WAC: variants seen among roughly 807,000 people sequenced by gnomAD.
The protein encoded by WAC is WW domain containing adaptor with coiled-coil.
In WAC, 11 loss-of-function variants were observed where a neutral mutation model predicts 79.6. The ratio of observed to expected loss-of-function variants is 0.14; its 90% confidence interval spans 0.09 to 0.23. The LOEUF (loss-of-function observed/expected upper bound fraction) is 0.23, where lower values mean the gene tolerates loss of function less well. Among genes scored for constraint, WAC ranks in the 10% least tolerant of loss-of-function variants. The pLI, the probability that WAC is intolerant of heterozygous loss-of-function variation, is 1.00. For synonymous variants in WAC, 304 were observed against 276.9 expected, an observed-to-expected ratio of 1.10 and a Z score of -0.97; for missense variants, 728 against 773.5, an observed-to-expected ratio of 0.94 and a Z score of 0.70.
Position 28,617,861 on chromosome 10 carries a change from CATTT to C in WAC, c.1874+78_1874+81del, listed in dbSNP as rs1841540356. 19 of 1,435,812 alleles carry C rather than the reference CATTT, an allele frequency of 1.3e-5. No individual in the cohort carries two copies. In the South Asian group the frequency reaches 2.3e-4, roughly 18 times the overall value. The allele number at this position is 1,435,812 out of a possible 1,614,324, so 88.9% of individuals were successfully genotyped here. A position where few individuals can be genotyped will look rare whatever the true frequency, so the allele number is the denominator to read the frequency against. ...AAATCGAACTAAAGAATGTAAATCA[CATTT>C]TATTTATGAAATGTAAAGTTCTCTT... On this transcript the variant is annotated intron_variant, in intron 13 of 13. Coordinates refer to ENST00000354911, the MANE Select transcript of WAC (RefSeq NM_016628.5).
At chr10:28,539,806 G>A (rs1406868873) in intron 3 of WAC, among the ~76,000 whole-genome samples, 1 of 152,106 alleles carries the variant, frequency 6.6e-6, no homozygotes, top group African/African-American at 2.4e-5. Flanking sequence ...TGATCCACCT[G>A]CCTCGGCCTC....
At chr10:28,601,439 G>A (rs916344183) in intron 7 of WAC, among the ~76,000 whole-genome samples, 2 of 152,066 alleles carry the variant, frequency 1.3e-5, no homozygotes, top group Middle Eastern at 3.2e-3. Context: ...TGAAAAAATT[G>A]AAACCCTTGT....
chr10:28,550,158 C>T (rs1837579378), intron 3 of WAC, among the ~76,000 whole-genome samples: 1 of 127,056 alleles, frequency 7.9e-6, no homozygotes, highest in Non-Finnish European at 1.6e-5. Flanking sequence ...TAATGCAAGA[C>T]TCAGTCTCAA....
intron 3 of WAC, among the ~76,000 whole-genome samples, chr10:28,538,847 A>G (rs1293949887): frequency 5.4e-5 from 8 of 147,454 alleles, no homozygotes; most frequent in Admixed American, 2.1e-4. Flanking sequence ...CTGGGTTGAT[A>G]GAGTGAGACC....
At chr10:28,554,926 T>G (rs1837898469) in intron 3 of WAC, among the ~76,000 whole-genome samples, 1 of 152,206 alleles carries the variant, frequency 6.6e-6, no homozygotes, top group Non-Finnish European at 1.5e-5. Flanking sequence ...ACTTAAAAGT[T>G]ACTTCCTCTG....
At chr10:28,555,121 T>C (rs918606246) in intron 3 of WAC, among the ~76,000 whole-genome samples, 1 of 152,168 alleles carries the variant, frequency 6.6e-6, no homozygotes, top group East Asian at 1.9e-4. Context: ...CCAGTAATCT[T>C]GAGCCTCCTC....
intron 7 of WAC, among the ~76,000 whole-genome samples, chr10:28,604,991 T>G (rs1290271244): frequency 6.6e-6 from 1 of 152,224 alleles, no homozygotes; most frequent in Non-Finnish European, 1.5e-5. Context: ...ATTATACATG[T>G]AGATTGAGGC....
intron 3 of WAC, among the ~76,000 whole-genome samples, chr10:28,557,109 A>G (rs539365684): frequency 6.6e-6 from 1 of 151,292 alleles, no homozygotes; most frequent in African/African-American, 2.4e-5. Flanking sequence ...TTTGATAGGT[A>G]TAAGTCACGG....
At chr10:28,563,283 C>T (rs922078228) in intron 3 of WAC, among the ~76,000 whole-genome samples, 3 of 152,036 alleles carry the variant, frequency 2.0e-5, no homozygotes, top group Admixed American at 6.6e-5. Flanking sequence ...CCCAGTGTTC[C>T]TATCTTTTCT....
chr10:28,586,091 T>A (rs1839808816), intron 4 of WAC, among the ~76,000 whole-genome samples: 1 of 152,190 alleles, frequency 6.6e-6, no homozygotes, highest in South Asian at 2.1e-4. Context: ...ATGTACCTAG[T>A]GGGAATGATA....
chr10:28,610,854 G>C (rs868480690), intron 9 of WAC, 33 bp downstream of exon 9: 2 of 1,529,482 alleles, frequency 1.3e-6, no homozygotes, highest in Non-Finnish European at 1.7e-6. Context: ...TCTCTAGAAT[G>C]GCATCTTGAT....
In WAC at chr10:28,616,253, A is replaced by G. The variant is rs148573008; in HGVS notation, c.1637A>G (p.Asn546Ser). 66 of 1,613,906 alleles carry G rather than the reference A, an allele frequency of 4.1e-5. No individual in the cohort carries two copies. The African/African-American group carries it at 8.7e-4, about 21-fold the overall frequency. ...TCAAATGCAACAGTTGTACCACAGA[A>G]TTCTTCTGCCCGATCCACGTGTTCA... ...NASNATVVPQ[N>S]SSARSTCSLT... The change falls in exon 12 of 14, where the codon AAT (asparagine) becomes AGT (serine). Residue 546 changes from asparagine (N) to serine (S), a missense_variant. Transcript: ENST00000354911.
intron 1 of WAC, 64 bp downstream of exon 1, chr10:28,533,684 C>G (rs1836417242): frequency 1.5e-5 from 23 of 1,500,138 alleles, no homozygotes; most frequent in Non-Finnish European, 2.1e-5. Context: ...GGCTGTTCCT[C>G]CTTATCTGGA....
intron 3 of WAC, among the ~76,000 whole-genome samples, chr10:28,543,003 A>G (rs1837146314): frequency 6.6e-6 from 1 of 152,204 alleles, no homozygotes; most frequent in African/African-American, 2.4e-5. Flanking sequence ...GAAACTTTAT[A>G]GCATTTAACT....
intron 3 of WAC, among the ~76,000 whole-genome samples, chr10:28,560,879 G>A (rs1564386505): frequency 6.6e-6 from 1 of 152,202 alleles, no homozygotes; most frequent in African/African-American, 2.4e-5. Context: ...AGGAAGTTAA[G>A]GCTTTGGGGG....
intron 7 of WAC, among the ~76,000 whole-genome samples, chr10:28,602,631 C>T (rs924653714): frequency 3.3e-5 from 5 of 152,100 alleles, no homozygotes; most frequent in Non-Finnish European, 7.4e-5. Context: ...GCACTTATTA[C>T]CAGTATCATT....
intron 2 of WAC, chr10:28,534,360 C>CTTAT (rs1000398583): frequency 5.3e-5 from 16 of 303,720 alleles, no homozygotes; most frequent in Admixed American, 4.0e-4. Flanking sequence ...ACTTACGAGG[C>CTTAT]TTATTTATTT....
At chr10:28,561,122 A>AC (rs1838279949) in intron 3 of WAC, among the ~76,000 whole-genome samples, 1 of 152,248 alleles carries the variant, frequency 6.6e-6, no homozygotes, top group African/African-American at 2.4e-5. Flanking sequence ...AAAATCTGCA[A>AC]CCTAGAGGGC....
chr10:28,603,217 C>G (rs1840725153), intron 7 of WAC, among the ~76,000 whole-genome samples: 1 of 152,156 alleles, frequency 6.6e-6, no homozygotes, highest in African/African-American at 2.4e-5. Context: ...GTAAAATAAA[C>G]TAATGATAGC....
Sources: allele counts gnomAD v4.1 joint callset (sites outside exome capture counted in the v4.1 genomes callset), GRCh38; gene constraint gnomAD v4.1.1; transcripts MANE v1.5; gene names NCBI Gene and HGNC (gene_info 2026-07-23, HGNC 2026-07-21).